Variants in CACNA1E observed in about 807,000 individuals in gnomAD.
CACNA1E encodes the protein voltage-dependent R-type calcium channel subunit alpha-1E.
A neutral mutation model predicts 259.2 loss-of-function variants in CACNA1E; 40 were observed. The observed-to-expected ratio is 0.15, with a 90% CI of 0.12 to 0.20. CACNA1E has a LOEUF of 0.20. Ranked by LOEUF, CACNA1E falls within the 10% of genes least tolerant of loss-of-function variation. The pLI, the probability that CACNA1E is intolerant of heterozygous loss-of-function variation, is 1.00. For synonymous variants in CACNA1E, 1,104 were observed against 1,138.5 expected (o/e 0.97, Z 0.61); for missense variants, 1,874 against 3,040.1 (o/e 0.62, Z 9.02).
At chr1:181,460,754 A>G (rs1487741852) in intron 2 of CACNA1E, among the ~76,000 whole-genome samples, 3 of 151,380 alleles carry the variant, frequency 2.0e-5, no homozygotes, top group Non-Finnish European at 4.4e-5. Context: ...CTAAAAATGT[A>G]CTACTGCTTC....
At chr1:181,384,461 G>A (rs1430817002) in intron 1 of CACNA1E, among the ~76,000 whole-genome samples, 3 of 152,142 alleles carry the variant, frequency 2.0e-5, no homozygotes, top group Non-Finnish European at 2.9e-5. Context: ...GGCCCTCCAA[G>A]CAACACTACT....
In CACNA1E at chr1:181,717,293, C is replaced by T; in HGVS notation, c.1516C>T (p.His506Tyr). 6.2e-7 allele frequency: 1 copy of T among 1,613,028 alleles called. No individual in the cohort carries two copies. Among genetic ancestry groups the T allele is most frequent in the Non-Finnish European group, 8.5e-7 (1 of 1,179,408 alleles). The change falls in exon 11 of 48, where the codon CAC becomes TAC. Residue 506 changes from histidine (H) to tyrosine (Y), a missense_variant. Around this residue, in one of 14 missense-constraint regions of CACNA1E, gnomAD observed 157 missense variants for 203.5 expected, o/e 0.77. Transcript: ENST00000367573. ...TCACAACCAGCCCCAGTGGCTCACC[C>T]ACCTCCTCTGTAAGTAAAGCCTCTC... is the stretch of plus-strand genomic sequence containing the variant. ...VHHNQPQWLT[H>Y]LLYYAEFLFL... is the part of the protein sequence containing the mutation.
chr1:181,776,257 G>A lies in CACNA1E; in HGVS notation c.5267+29G>A. ...CGTAGGCCCCTCGGCCGCCCCAGCG[G>A]GGCCCAGAGCAAAGGTCTCTGGAGT... On this transcript the variant is annotated intron_variant, in intron 38 of 47. Transcript: ENST00000367573. This position sits in a 1 kb window ranked among gnomAD's most constrained non-coding sequence, Gnocchi z 4.4. 1.9e-6 allele frequency: 3 copies of A among 1,612,924 alleles called. No homozygotes were observed. The highest frequency in any genetic ancestry group is 2.5e-6 in the Non-Finnish European group (3 of 1,178,936).
chr1:181,609,147 G>T (rs1159371975), intron 6 of CACNA1E, among the ~76,000 whole-genome samples: 1 of 152,236 alleles, frequency 6.6e-6, no homozygotes. Flanking sequence ...TACCTTTGTT[G>T]TAATGCCAAT....
chr1:181,582,095 T>C (rs1259825067), intron 6 of CACNA1E, among the ~76,000 whole-genome samples: 2 of 152,076 alleles, frequency 1.3e-5, no homozygotes, highest in Non-Finnish European at 2.9e-5. Flanking sequence ...TTAGTAGAGG[T>C]CCATTGCTAA....
At chr1:181,470,293 T>C (rs1314331978) in intron 2 of CACNA1E, among the ~76,000 whole-genome samples, 1 of 152,008 alleles carries the variant, frequency 6.6e-6, no homozygotes, top group Non-Finnish European at 1.5e-5. Context: ...GGTTCAAGCA[T>C]TCCTCCCATC....
intron 6 of CACNA1E, among the ~76,000 whole-genome samples, chr1:181,615,661 A>G (rs1034131495): frequency 6.6e-6 from 1 of 151,892 alleles, no homozygotes; most frequent in African/African-American, 2.4e-5. Flanking sequence ...ATTCTTTTGG[A>G]TTTTCTATAT....
At chr1:181,676,407 A>G (rs541905719) in intron 7 of CACNA1E, among the ~76,000 whole-genome samples, 6 of 152,270 alleles carry the variant, frequency 3.9e-5, no homozygotes, top group African/African-American at 1.2e-4. Context: ...GTTTAACAGC[A>G]TCTGAGCCAA....
chr1:181,738,340 T>A (rs1473477074), intron 23 of CACNA1E, 27 bp from the exon 24 acceptor site: 1 of 1,604,274 alleles, frequency 6.2e-7, no homozygotes, highest in Admixed American at 1.7e-5. Flanking sequence ...CACATGGTCA[T>A]TTCCTTCCAC....
chr1:181,781,306 G>T (rs1442804463), intron 38 of CACNA1E, 121 bp from the exon 39 acceptor site: 3 of 640,180 alleles, frequency 4.7e-6, no homozygotes, highest in African/African-American at 1.8e-5. Context: ...TTTGCTCTCT[G>T]GGAATGCCTA....
intron 2 of CACNA1E, among the ~76,000 whole-genome samples, chr1:181,442,567 G>A (rs1660569411): frequency 6.6e-6 from 1 of 151,866 alleles, no homozygotes; most frequent in South Asian, 2.1e-4. Flanking sequence ...CTTCCAGTGG[G>A]CCACCTCCCC....
chr1:181,689,891 A>G (rs1286401115), intron 7 of CACNA1E, among the ~76,000 whole-genome samples: 1 of 151,996 alleles, frequency 6.6e-6, no homozygotes, highest in East Asian at 1.9e-4. Flanking sequence ...TGTCAAATGG[A>G]TAGATTGCCA....
intron 3 of CACNA1E, among the ~76,000 whole-genome samples, chr1:181,561,496 G>A (rs910410050): frequency 6.6e-6 from 1 of 151,958 alleles, no homozygotes; most frequent in Non-Finnish European, 1.5e-5. Context: ...CTGATTTTTT[G>A]TTCTTATAGT....
At chr1:181,365,702 A>T (rs1654221216) in intron 1 of CACNA1E, among the ~76,000 whole-genome samples, 1 of 152,232 alleles carries the variant, frequency 6.6e-6, no homozygotes, top group African/African-American at 2.4e-5. Flanking sequence ...AAGAAGTTCA[A>T]GGAGCTGTAT....
intron 6 of CACNA1E, among the ~76,000 whole-genome samples, chr1:181,596,489 C>G (rs1169901826): frequency 6.7e-6 from 1 of 149,744 alleles, no homozygotes; most frequent in Non-Finnish European, 1.5e-5. Flanking sequence ...GGCATTTTAT[C>G]GTCACCCTGT....
intron 2 of CACNA1E, among the ~76,000 whole-genome samples, chr1:181,449,232 A>G (rs1184487784): frequency 2.6e-5 from 4 of 152,186 alleles, no homozygotes; most frequent in Non-Finnish European, 5.9e-5. Flanking sequence ...GAGATACTTC[A>G]TTTGTGTCTG....
Position 181,485,296 on chromosome 1 carries a change from C to A in CACNA1E, c.266+1286C>A, listed in dbSNP as rs918397134. On this transcript the variant is annotated intron_variant, in intron 1 of 47. Transcript: ENST00000367573. This position sits in a 1 kb window ranked among gnomAD's most constrained non-coding sequence, Gnocchi z 4.2. ...TATTAGCCAGACACGCGGCTCATTT[C>A]CCCCAGGGCCTGGGCATCTCCCTAC... 6.6e-6 allele frequency among the ~76,000 whole-genome samples: 1 copy of A among 152,284 alleles called. No individual in the cohort carries two copies. Among genetic ancestry groups the A allele is most frequent in the East Asian group, 1.9e-4 (1 of 5,180 alleles).
chr1:181,650,918 G>A (rs1658699289), intron 6 of CACNA1E, among the ~76,000 whole-genome samples: 1 of 152,196 alleles, frequency 6.6e-6, no homozygotes, highest in South Asian at 2.1e-4. Context: ...CCCTGTCAAG[G>A]CCTTTGCTAG....
intron 7 of CACNA1E, among the ~76,000 whole-genome samples, chr1:181,665,488 T>C (rs1027440608): frequency 4.6e-5 from 7 of 152,170 alleles, no homozygotes; most frequent in African/African-American, 1.7e-4. Context: ...CATGAAGTAA[T>C]GTTTAAAAAG....
Sources: gnomAD v4.1 joint callset for allele counts (sites outside exome capture counted in the v4.1 genomes callset) on GRCh38, gnomAD v4.1.1 for gene constraint, gnomAD v4.1.1 regional missense constraint, Gnocchi (gnomAD v3.1) non-coding constraint, MANE v1.5 for transcripts, NCBI Gene and HGNC (gene_info 2026-07-23, HGNC 2026-07-21) for gene names.